COL28A1: variants seen among roughly 807,000 people sequenced by gnomAD.
COL28A1 encodes collagen alpha-1(XXVIII) chain.
In COL28A1, 161 loss-of-function variants were observed where a neutral mutation model predicts 150.2. The observed-to-expected ratio is 1.07, with a 90% confidence interval of 0.94 to 1.22. COL28A1 has a LOEUF of 1.22. Ranked by LOEUF, COL28A1 falls within the 50% of genes most tolerant of loss-of-function variation. The pLI, the probability that COL28A1 is intolerant of heterozygous loss-of-function variation, is 0.00. For missense variants in COL28A1, 1,617 were observed against 1,388.3 expected (o/e 1.16, Z -2.62); for synonymous variants, 552 against 469.7 (o/e 1.18, Z -2.26).
At chr7:7,409,822 T>A (rs1407042272) in intron 27 of COL28A1, among the ~76,000 whole-genome samples, 1 of 152,158 alleles carries the variant, frequency 6.6e-6, no homozygotes, top group East Asian at 1.9e-4. Flanking sequence ...AATCTGTGAC[T>A]GTCACTGTCA....
chr7:7,393,460 C>T (rs1782662292), intron 27 of COL28A1, among the ~76,000 whole-genome samples: 1 of 152,232 alleles, frequency 6.6e-6, no homozygotes, highest in Non-Finnish European at 1.5e-5. Context: ...GGCAGTCTGA[C>T]CCTTAGCAGA....
intron 19 of COL28A1, 134 bp from the exon 20 acceptor site, chr7:7,443,787 C>A (rs1786004084): frequency 2.3e-6 from 3 of 1,279,950 alleles, no homozygotes; most frequent in Admixed American, 3.4e-5. Flanking sequence ...TCACTCTAGT[C>A]TCAAAATCAA....
At chr7:7,531,311 TGA>T (rs1464684643) in intron 3 of COL28A1, 35 bp downstream of exon 3, 2 of 810,978 alleles carry the variant, frequency 2.5e-6, no homozygotes, top group Non-Finnish European at 4.0e-6. Context: ...GTCAATATTA[TGA>T]TGATAACTGT....
intron 25 of COL28A1, among the ~76,000 whole-genome samples, chr7:7,430,307 A>G (rs1224996542): frequency 6.6e-6 from 1 of 152,010 alleles, no homozygotes; most frequent in Non-Finnish European, 1.5e-5. Flanking sequence ...TTGTATTTTT[A>G]GTAGAGACGG....
chr7:7,474,624 CT>C lies in COL28A1; in HGVS notation c.1278del (p.Gly427AlafsTer11). The C allele has an allele frequency of 1.4e-6, 2 of 1,389,244 alleles. No individual in the cohort carries two copies. The highest frequency in any genetic ancestry group is 2.1e-6 in the Non-Finnish European group (2 of 975,326). The allele number at this position is 1,389,244 out of a possible 1,614,324, so 86.1% of individuals were successfully genotyped here. A position where few individuals can be genotyped will look rare whatever the true frequency, so the allele number is the denominator to read the frequency against. ...SEGPTGPQGL[Q>X]GLSIKGEKGD... is the part of the protein sequence containing the mutation. The stretch of plus-strand genomic sequence containing the variant: ...ACCTTCTCCCCTTTGATTGACAGGC[CT>C]TGTAATCCCTGTGGGCCAGTTGGTC... On this transcript the variant is annotated frameshift_variant, in exon 15 of 35. Coordinates refer to ENST00000399429, the MANE Select transcript of COL28A1 (RefSeq NM_001037763.3). LOFTEE classifies it high-confidence loss of function.
intron 27 of COL28A1, among the ~76,000 whole-genome samples, chr7:7,409,926 C>T (rs2128303416): frequency 6.6e-6 from 1 of 152,244 alleles, no homozygotes; most frequent in Non-Finnish European, 1.5e-5. Context: ...CTAAAGTTTT[C>T]ATTCCAAATC....
chr7:7,463,983 G>A (rs1787847912), intron 15 of COL28A1, among the ~76,000 whole-genome samples: 1 of 152,054 alleles, frequency 6.6e-6, no homozygotes, highest in African/African-American at 2.4e-5. Context: ...TCATGCAAAT[G>A]GACACCAAAA....
rs531239356 is a variant in COL28A1, at chr7:7,383,433, T to C, written c.2137-1821A>G. On this transcript the variant is annotated intron_variant, in intron 27 of 34. Transcript: ENST00000399429. ...AGCTGGGATTACAGGTGTGTGCCAC[T>C]ATGCCTGGCTAATTTTTGTATTTTT... Among the ~76,000 whole-genome samples the C allele has an allele frequency of 9.2e-5, 14 of 151,628 alleles. No individual in the cohort carries two copies. In the South Asian group the frequency reaches 2.3e-3, roughly 25 times the overall value.
At position 7,532,478 on chromosome 7, in the gene COL28A1, T is replaced by A. The variant is rs183352243; in HGVS notation, c.124+274A>T. On this transcript the variant is annotated intron_variant, in intron 2 of 34. Coordinates refer to ENST00000399429, the MANE Select transcript of COL28A1 (RefSeq NM_001037763.3). ...CGACCTGTTAAGACCTCAATTTTTT[T>A]AATCTACACTATGAGTGGCAATCTC... 1.4e-3 allele frequency among the ~76,000 whole-genome samples: 219 copies of A among 151,532 alleles called. 1 individual carries two copies. The highest frequency in any genetic ancestry group is 5.2e-3 in the African/African-American group (213 of 41,266).
Position 7,358,641 on chromosome 7 carries a change from G to C in COL28A1, c.3370C>G (p.Gln1124Glu). 1 of 1,613,792 alleles carries C rather than the reference G, an allele frequency of 6.2e-7. No individual in the cohort carries two copies. Among genetic ancestry groups the C allele is most frequent in the Admixed American group, 1.7e-5 (1 of 59,996 alleles). The change falls in exon 35 of 35, where the codon CAA (glutamine) becomes GAA (glutamate). Residue 1124 changes from glutamine (Q) to glutamate (E), a missense_variant. Transcript: ENST00000399429. ...SEKECQETCI[Q>E]G ...CAGGCCAATTTACTTGCTCATCCTTGAATGCAGGTTTCTTGACATTCCTTT... is the reference window on the plus strand; with the variant it reads ...CAGGCCAATTTACTTGCTCATCCTTCAATGCAGGTTTCTTGACATTCCTTT...
intron 11 of COL28A1, among the ~76,000 whole-genome samples, chr7:7,492,612 G>C (rs4034997): frequency 9.4e-5 from 2 of 21,298 alleles, no homozygotes; most frequent in South Asian, 1.5e-3. Context: ...AAAAAAAAAA[G>C]GTCTGTTGAC....
intron 33 of COL28A1, among the ~76,000 whole-genome samples, chr7:7,361,831 A>G (rs1167313711): frequency 8.1e-6 from 1 of 123,584 alleles, no homozygotes; most frequent in Non-Finnish European, 1.7e-5. Context: ...GCACATATAC[A>G]CCATGGAATA....
At chr7:7,534,457 T>C (rs891375400) in intron 1 of COL28A1, among the ~76,000 whole-genome samples, 3 of 152,184 alleles carry the variant, frequency 2.0e-5, no homozygotes, top group African/African-American at 7.2e-5. Flanking sequence ...ACAGTTGTTA[T>C]TGCATTTTCA....
intron 27 of COL28A1, among the ~76,000 whole-genome samples, chr7:7,388,170 A>C (rs7786335): frequency 6.6e-6 from 1 of 150,450 alleles, no homozygotes. Context: ...CTAGCCCCCC[A>C]CCCCATGACA....
At chr7:7,509,375 G>A (rs1411909162) in intron 9 of COL28A1, among the ~76,000 whole-genome samples, 4 of 152,038 alleles carry the variant, frequency 2.6e-5, no homozygotes, top group Non-Finnish European at 5.9e-5. Context: ...CTCCCACTTC[G>A]GCCTAATTTT....
At chr7:7,344,023 A>T in the COL28A1 span, among the ~76,000 whole-genome samples, 1 of 152,120 alleles carries the variant, frequency 6.6e-6, no homozygotes, top group African/African-American at 2.4e-5. Context: ...AAATAAAAAA[A>T]AAAATAAAGG....
Position 7,358,520 on chromosome 7 carries a change from A to G in COL28A1, c.*113T>C, listed in dbSNP as rs1780450306. 4.2e-6 allele frequency: 4 copies of G among 945,402 alleles called. No homozygotes were observed. The highest frequency in any genetic ancestry group is 2.2e-5 in the Admixed American group (1 of 44,672). 58.6% of individuals were successfully genotyped at this position (945,402 alleles called of 1,614,324 possible). A position where few individuals can be genotyped will look rare whatever the true frequency, so the allele number is the denominator to read the frequency against. ...CTGTAGTGAGAATTCAATTACATGT[A>G]TAAGTTGTAAATACTCAGTATACAC... On this transcript the variant is annotated 3_prime_UTR_variant, in exon 35 of 35. Coordinates refer to ENST00000399429, the MANE Select transcript of COL28A1 (RefSeq NM_001037763.3).
At chr7:7,519,928 ATCCTGTATTCT>A in intron 6 of COL28A1, 123 bp downstream of exon 6, 1 of 544,656 alleles carries the variant, frequency 1.8e-6, no homozygotes. Context: ...GGAAGTGGAA[ATCCTGTATTCT>A]TCACAAAAGT....
intron 11 of COL28A1, among the ~76,000 whole-genome samples, chr7:7,504,214 G>T (rs1373517127): frequency 6.6e-6 from 1 of 152,124 alleles, no homozygotes; most frequent in Non-Finnish European, 1.5e-5. Context: ...ATAAAGAGTT[G>T]AGCCAGGTAT....
Sources: allele counts gnomAD v4.1 joint callset (sites outside exome capture counted in the v4.1 genomes callset), GRCh38; gene constraint gnomAD v4.1.1; transcripts MANE v1.5; gene names NCBI Gene and HGNC (gene_info 2026-07-23, HGNC 2026-07-21).